NLGN1: variants seen among roughly 807,000 people sequenced by gnomAD.
NLGN1 encodes the protein neuroligin-1.
NLGN1 carries 12 observed loss-of-function variants against 65.5 expected under a neutral mutation model. The ratio of observed to expected loss-of-function variants is 0.18; its 90% confidence interval spans 0.12 to 0.30. The LOEUF is 0.30. NLGN1 is among the 10% of genes least tolerant of loss of function. The pLI, the probability that NLGN1 is intolerant of heterozygous loss-of-function variation, is 1.00. For synonymous variants in NLGN1, 350 were observed against 359.5 expected, an observed-to-expected ratio of 0.97 and a Z score of 0.30; for missense variants, 750 against 1,007.1, an observed-to-expected ratio of 0.74 and a Z score of 3.46.
intron 3 of NLGN1, among the ~76,000 whole-genome samples, chr3:173,629,008 A>G (rs1455282081): frequency 1.3e-5 from 2 of 151,976 alleles, no homozygotes; most frequent in Admixed American, 1.3e-4. Context: ...TCTCAGTGAG[A>G]TCAGAGCACT....
At chr3:173,652,091 G>GCC (rs1007742866) in intron 3 of NLGN1, among the ~76,000 whole-genome samples, 7 of 152,094 alleles carry the variant, frequency 4.6e-5, no homozygotes, top group African/African-American at 1.7e-4. Flanking sequence ...ACCATGCCCG[G>GCC]CCCCTTTGCC....
At chr3:173,916,685 G>A (rs1471682929) in intron 4 of NLGN1, among the ~76,000 whole-genome samples, 1 of 152,040 alleles carries the variant, frequency 6.6e-6, no homozygotes, top group Admixed American at 6.6e-5. Context: ...GAAAATTTCA[G>A]ATGAGGCCAC....
chr3:173,724,215 G>A (rs1470560492), intron 3 of NLGN1, among the ~76,000 whole-genome samples: 1 of 152,176 alleles, frequency 6.6e-6, no homozygotes, highest in East Asian at 1.9e-4. Flanking sequence ...CTGTATAGAT[G>A]CTGTTTAATA....
chr3:173,683,705 A>G (rs1029824999), intron 3 of NLGN1, among the ~76,000 whole-genome samples: 2 of 152,184 alleles, frequency 1.3e-5, no homozygotes, highest in African/African-American at 2.4e-5. Context: ...AATTCCTTTC[A>G]CTTAGTTGAT....
chr3:173,746,286 A>T (rs1417604125), intron 3 of NLGN1, among the ~76,000 whole-genome samples: 6 of 152,092 alleles, frequency 3.9e-5, no homozygotes, highest in Admixed American at 3.9e-4. Context: ...CAAGCAAAAA[A>T]AAGTTAAAAA....
chr3:173,747,795 C>CTTCTTTTTTTTTTTTTTTTTTTTTTTTT (rs1560289220), intron 3 of NLGN1, among the ~76,000 whole-genome samples: 2 of 78,576 alleles, frequency 2.5e-5, no homozygotes, highest in African/African-American at 1.2e-4. Flanking sequence ...TCTTCTTCTT[C>CTTCTTTTTTTTTTTTTTTTTTTTTTTTT]TTGTTCTTTT....
At chr3:173,718,081 G>T (rs1578106026) in intron 3 of NLGN1, among the ~76,000 whole-genome samples, 1 of 152,134 alleles carries the variant, frequency 6.6e-6, no homozygotes, top group East Asian at 1.9e-4. Context: ...TAAATACTAT[G>T]TGTAGCGATC....
chr3:173,416,991 A>G (rs1227383808), intron 1 of NLGN1, among the ~76,000 whole-genome samples: 1 of 152,140 alleles, frequency 6.6e-6, no homozygotes, highest in Admixed American at 6.5e-5. Context: ...CTTATGTTCA[A>G]TAATGGAAAT....
At chr3:173,499,216 T>G (rs1171832859) in intron 2 of NLGN1, among the ~76,000 whole-genome samples, 2 of 151,872 alleles carry the variant, frequency 1.3e-5, no homozygotes, top group African/African-American at 2.4e-5. Context: ...TAATCCATCT[T>G]GAATTTATTT....
In NLGN1 at chr3:173,947,179, C is replaced by T. The variant is rs183235672; in HGVS notation, c.646+139347C>T. Among the ~76,000 whole-genome samples the T allele has an allele frequency of 3.4e-4, 51 of 151,422 alleles. 1 individual carries two copies. The highest frequency in any genetic ancestry group is 3.4e-3 in the Middle Eastern group (1 of 294). ...CGGGTTCAAACGATTCTTGCCACCA[C>T]GCCTGGCTAATTTTGCATTTTTAGT... On this transcript the variant is annotated intron_variant, in intron 4 of 6. Transcript: ENST00000457714.
intron 1 of NLGN1, among the ~76,000 whole-genome samples, chr3:173,426,653 T>A (rs1716168010): frequency 6.6e-6 from 1 of 151,074 alleles, no homozygotes; most frequent in Admixed American, 6.6e-5. Flanking sequence ...TATTGAACCA[T>A]TCTTGCATCC....
intron 2 of NLGN1, among the ~76,000 whole-genome samples, chr3:173,455,016 G>T (rs1161321199): frequency 6.6e-6 from 1 of 152,124 alleles, no homozygotes; most frequent in Non-Finnish European, 1.5e-5. Flanking sequence ...ATGGCCAGTT[G>T]GTGGAGCAAT....
intron 1 of NLGN1, among the ~76,000 whole-genome samples, chr3:173,425,941 A>G (rs1716011445): frequency 6.6e-6 from 1 of 152,106 alleles, no homozygotes; most frequent in Admixed American, 6.6e-5. Context: ...CATTTTAACA[A>G]TATTATTTTT....
At chr3:173,500,993 G>A (rs1731013362) in intron 2 of NLGN1, among the ~76,000 whole-genome samples, 1 of 152,018 alleles carries the variant, frequency 6.6e-6, no homozygotes, top group Admixed American at 6.6e-5. Context: ...AATAGCTACT[G>A]GGTTTTTACA....
intron 3 of NLGN1, among the ~76,000 whole-genome samples, chr3:173,707,056 A>G (rs546121856): frequency 6.6e-6 from 1 of 152,328 alleles, no homozygotes; most frequent in Non-Finnish European, 1.5e-5. Context: ...TATAACATTT[A>G]TCCTGCTCTG....
At chr3:174,255,279 C>CA (rs1464964505) in intron 4 of NLGN1, among the ~76,000 whole-genome samples, 1 of 151,670 alleles carries the variant, frequency 6.6e-6, no homozygotes, top group African/African-American at 2.4e-5. Flanking sequence ...ACTAAAAATA[C>CA]AAAAAATTAG....
intron 3 of NLGN1, among the ~76,000 whole-genome samples, chr3:173,747,758 G>A (rs1443880920): frequency 7.7e-6 from 1 of 130,610 alleles, no homozygotes; most frequent in Non-Finnish European, 1.6e-5. Flanking sequence ...GGACTATGAT[G>A]TTAGAGTTTT....
chr3:173,837,113 T>G (rs550442783), intron 4 of NLGN1, among the ~76,000 whole-genome samples: 2 of 152,228 alleles, frequency 1.3e-5, no homozygotes, highest in East Asian at 3.9e-4. Flanking sequence ...AATAGTAAAA[T>G]TGTAGGTTGA....
intron 4 of NLGN1, among the ~76,000 whole-genome samples, chr3:173,994,457 G>A (rs546648452): frequency 1.6e-3 from 67 of 41,724 alleles, no homozygotes; most frequent in Middle Eastern, 0.036. Flanking sequence ...TTTTAACCTT[G>A]AGAAAAGCAA....
Sources: allele counts gnomAD v4.1 joint callset (sites outside exome capture counted in the v4.1 genomes callset), GRCh38; gene constraint gnomAD v4.1.1; transcripts MANE v1.5; gene names NCBI Gene and HGNC (gene_info 2026-07-23, HGNC 2026-07-21).